The following THBS2 variants were observed in gnomAD, a reference collection of about 807,000 sequenced individuals.
THBS2 encodes thrombospondin 2.
In THBS2, 47 loss-of-function variants were observed where a neutral mutation model predicts 135.2. The ratio of observed to expected loss-of-function variants is 0.35; its 90% CI spans 0.28 to 0.44. The LOEUF is 0.44. Ranked by LOEUF, THBS2 falls within the 20% of genes least tolerant of loss-of-function variation. The pLI, the probability that THBS2 is intolerant of heterozygous loss-of-function variation, is 1.00. For missense variants in THBS2, 1,288 were observed against 1,603.1 expected (o/e 0.80, Z 3.36); for synonymous variants, 639 against 633.8 (o/e 1.01, Z -0.12).
At chr6:169,245,162 G>A (rs1562364277) in intron 4 of THBS2, among the ~76,000 whole-genome samples, 2 of 152,232 alleles carry the variant, frequency 1.3e-5, no homozygotes, top group African/African-American at 2.4e-5. Context: ...CTTTGAGGCT[G>A]TCAGACAGAC....
At chr6:169,239,285 T>C (rs566537542) in intron 7 of THBS2, 6 of 414,132 alleles carry the variant, frequency 1.4e-5, no homozygotes, top group East Asian at 1.3e-4. Context: ...GTGTGTTCTC[T>C]GACTCTCAGC....
In THBS2 at chr6:169,246,307, T is replaced by C. The variant is rs201222264; in HGVS notation, c.610-26A>G. The C allele has an allele frequency of 2.0e-4, 311 of 1,579,972 alleles. 2 individuals are homozygous for C. The African/African-American group carries it at 3.8e-3, about 19-fold the overall frequency. ...CTGTAAGTATACACAAGCAGAAAAA[T>C]AGAGCAACAGATAAACATCCAATGT... On this transcript the variant is annotated intron_variant, in intron 3 of 21. Transcript: ENST00000617924.
intron 17 of THBS2, among the ~76,000 whole-genome samples, chr6:169,224,133 T>G (rs74770988): frequency 0.2 from 20,447 of 102,348 alleles, 1,602 homozygotes; most frequent in Admixed American, 0.32. Flanking sequence ...TCACGTGGCC[T>G]GCCGTTTTGG....
intron 17 of THBS2, among the ~76,000 whole-genome samples, 171 bp from the exon 18 acceptor site, chr6:169,223,646 A>G (rs186686849): frequency 6.6e-6 from 1 of 152,298 alleles, no homozygotes; most frequent in East Asian, 1.9e-4. Flanking sequence ...ACAATCTCCA[A>G]AACATTTGAC....
At chr6:169,246,114 CAT>C in intron 4 of THBS2, 81 bp downstream of exon 4, 1 of 1,178,252 alleles carries the variant, frequency 8.5e-7, no homozygotes, top group Non-Finnish European at 1.3e-6. Flanking sequence ...AATGCACACA[CAT>C]ACACACACAC....
chr6:169,252,900 A>G lies in THBS2; in HGVS notation c.-23+824T>C, dbSNP rs1780801891. Among the ~76,000 whole-genome samples, 1 of 152,172 alleles carries G rather than the reference A, an allele frequency of 6.6e-6. No individual in the cohort carries two copies. The highest frequency in any genetic ancestry group is 3.2e-3 in the Middle Eastern group (1 of 316). ...CAAAGTAAAAGATAGCTTTGCAGAG[A>G]GCTAATTGTTTACCGGCCGTCCACC... On this transcript the variant is annotated intron_variant, in intron 1 of 21. Transcript: ENST00000617924. The surrounding 1 kb of genome is among the most constrained non-coding windows in gnomAD (Gnocchi z 4.3).
Position 169,236,998 on chromosome 6 carries a change from A to T in THBS2, c.1477+172T>A, listed in dbSNP as rs187729653. 9.8e-5 allele frequency among the ~76,000 whole-genome samples: 15 copies of T among 152,342 alleles called. No homozygotes were observed. The East Asian group carries it at 1.9e-3, about 20-fold the overall frequency. On this transcript the variant is annotated intron_variant, in intron 9 of 21. Transcript: ENST00000617924. ...AGGTGAGCAGAATTAATCACAAAGG[A>T]TGGGTTCATTACCGAGCCAGGCCCG...
At chr6:169,234,947 C>A in intron 9 of THBS2, 40 bp from the exon 10 acceptor site, 1 of 1,573,012 alleles carries the variant, frequency 6.4e-7, no homozygotes, top group East Asian at 2.3e-5. Context: ...AGAGCAAGAC[C>A]CGGGGTGGAG....
rs1028574629 is a variant in THBS2 at position 169,252,162 on chromosome 6, C to G, written c.-22-1356G>C. 7 of 152,182 alleles carry G rather than the reference C, an allele frequency of 4.6e-5. No individual in the cohort carries two copies. Among genetic ancestry groups the G allele is most frequent in the Admixed American group, 4.6e-4 (7 of 15,280 alleles). 9.4% of individuals were successfully genotyped at this position (152,182 alleles called of 1,614,324 possible). The stretch of plus-strand genomic sequence containing the variant: ...ACCGGAGCAGAATGTGCCTCTGGGT[C>G]TGGGGCGCTTTCTACTCTAACTGCC... On this transcript the variant is annotated intron_variant, in intron 1 of 21. Transcript: ENST00000617924. The surrounding 1 kb of genome is among the most constrained non-coding windows in gnomAD (Gnocchi z 4.3).
rs1779429441 is a variant in THBS2 at position 169,221,516 on chromosome 6, T to A, written c.3285A>T (p.Leu1095Phe). 6.2e-7 allele frequency: 1 copy of A among 1,613,794 alleles called. No individual in the cohort carries two copies. The highest frequency in any genetic ancestry group is 1.7e-5 in the Admixed American group (1 of 59,998). The change falls in exon 20 of 22, where the codon TTA (leucine) becomes TTT (phenylalanine). Residue 1095 changes from leucine to phenylalanine, a missense_variant. Leu to Phe is a conservative substitution (Grantham distance 22). Transcript: ENST00000617924. Reference protein sequence around the residue: ...TGNTPGQVRTLWHDPRNIGWK... With the variant: ...TGNTPGQVRTFWHDPRNIGWK... Reference sequence around the variant, plus strand: ...AGCCAATGTTCCTGGGGTCGTGCCATAAGGTTCGCACCTGAGAGAGAACAT... The same window carrying A: ...AGCCAATGTTCCTGGGGTCGTGCCAAAAGGTTCGCACCTGAGAGAGAACAT...
Position 169,216,196 on chromosome 6 carries a change from C to CAACA in THBS2, c.*1622_*1625dup, listed in dbSNP as rs1181058264. The CAACA allele has an allele frequency of 6.6e-6, 1 of 152,106 alleles. No homozygotes were observed. The highest frequency in any genetic ancestry group is 1.5e-5 in the Non-Finnish European group (1 of 68,008). The allele number at this position is 152,106 out of a possible 1,614,324, so 9.4% of individuals were successfully genotyped here. A position where few individuals can be genotyped will look rare whatever the true frequency, so the allele number is the denominator to read the frequency against. On this transcript the variant is annotated 3_prime_UTR_variant, in exon 22 of 22. Transcript: ENST00000617924. ...ACACAACGATCAACCTCAAAGGAAA[C>CAACA]AACAAAATTAATTTTATCAAAATGC...
In THBS2 at chr6:169,222,425, G is replaced by C; in HGVS notation, c.3045C>G (p.Tyr1015Ter). 1 of 1,613,776 alleles carries C rather than the reference G, an allele frequency of 6.2e-7. No homozygotes were observed. The highest frequency in any genetic ancestry group is 1.1e-5 in the South Asian group (1 of 91,092). Residue 1015 changes from tyrosine to a stop codon, truncating the protein, a stop_gained, in exon 19 of 22, where the codon TAC (tyrosine) becomes TAG (stop). Transcript: ENST00000617924. LOFTEE classifies it high-confidence loss of function. The part of the protein sequence containing the change: ...FGSVDFSGTF[Y>*]VNTDRDDDYA... ...AGTCGTCGTCCCGGTCAGTGTTTAC[G>C]TAGAATGTGCCACTGAAGTCCACAG...
chr6:169,233,064 C>T (rs1402776499), intron 10 of THBS2, 47 bp from the exon 11 acceptor site: 16 of 1,463,820 alleles, frequency 1.1e-5, no homozygotes, highest in Admixed American at 2.5e-5. Flanking sequence ...CCCTGCGCAG[C>T]ACAGAAGGAA....
At position 169,233,033 on chromosome 6, in the gene THBS2, C is replaced by T. The variant is rs1028049293; in HGVS notation, c.1652-16G>A. 6 of 1,527,772 alleles carry T rather than the reference C, an allele frequency of 3.9e-6. No individual in the cohort carries two copies. The highest frequency in any genetic ancestry group is 2.0e-5 in the Admixed American group (1 of 50,260). 94.6% of individuals were successfully genotyped at this position (1,527,772 alleles called of 1,614,324 possible). ...AAACAGCCATCTGGGTGGGAGAAGG[C>T]GGAGCAGAGTTCACCACGCGCCCTG... On this transcript the variant is annotated splice_polypyrimidine_tract_variant and intron_variant, in intron 10 of 21. Coordinates refer to ENST00000617924, the MANE Select transcript of THBS2 (RefSeq NM_003247.5).
chr6:169,223,677 T>C (rs1232723388), intron 17 of THBS2, among the ~76,000 whole-genome samples: 1 of 152,176 alleles, frequency 6.6e-6, no homozygotes, highest in Non-Finnish European at 1.5e-5. Context: ...CCTCAACTCT[T>C]TTCACAAAAT....
chr6:169,242,928 C>G (rs1780396521), intron 4 of THBS2, among the ~76,000 whole-genome samples: 1 of 103,992 alleles, frequency 9.6e-6, no homozygotes, highest in Non-Finnish European at 2.0e-5. Flanking sequence ...CCCACCACTC[C>G]CACCTTCCCA....
intron 12 of THBS2, 71 bp downstream of exon 12, chr6:169,232,593 G>A: frequency 3.3e-6 from 5 of 1,532,354 alleles, no homozygotes; most frequent in Non-Finnish European, 4.4e-6. Context: ...CCTTCCTCCT[G>A]CTGCTTTTCT....
chr6:169,218,058 ATGGATGAAATGGATGGGTGGG>A (rs2114963488), intron 21 of THBS2, among the ~76,000 whole-genome samples: 1 of 101,768 alleles, frequency 9.8e-6, no homozygotes, highest in Admixed American at 1.1e-4. Context: ...GGATGGATGG[ATGGATGAAATGGATGGGTGGG>A]TGGATGAAAT....
chr6:169,236,623 ACACT>A (rs1448715211), intron 9 of THBS2, among the ~76,000 whole-genome samples: 2 of 105,410 alleles, frequency 1.9e-5, no homozygotes, highest in Non-Finnish European at 1.9e-5. Context: ...CTCGCCATCC[ACACT>A]CACTCCCATC....
Sources: allele counts gnomAD v4.1 joint callset (sites outside exome capture counted in the v4.1 genomes callset), GRCh38; gene constraint gnomAD v4.1.1; non-coding constraint Gnocchi (gnomAD v3.1); transcripts MANE v1.5; gene names NCBI Gene and HGNC (gene_info 2026-07-23, HGNC 2026-07-21).